PHF2: variants seen among roughly 807,000 people sequenced by gnomAD.
PHF2 encodes lysine-specific demethylase PHF2.
PHF2 carries 27 observed loss-of-function variants against 120.5 expected under a neutral mutation model. The ratio of observed to expected loss-of-function variants is 0.22; its 90% CI spans 0.17 to 0.31. PHF2 has a LOEUF of 0.31. PHF2 is among the 10% of genes least tolerant of loss of function. The pLI is 1.00. For missense variants in PHF2, 1,024 were observed against 1,434.8 expected (o/e 0.71, Z 4.63); for synonymous variants, 568 against 592.5 (o/e 0.96, Z 0.60).
In PHF2 at chr9:93,679,421, TTTATTA is replaced by T. The variant is rs1035653925; in HGVS notation, c.*1754_*1759del. 2 of 318,810 alleles carry T rather than the reference TTTATTA, an allele frequency of 6.3e-6. No individual in the cohort carries two copies. Among genetic ancestry groups the T allele is most frequent in the African/African-American group, 4.5e-5 (2 of 44,794 alleles). The allele number at this position is 318,810 out of a possible 1,614,324, so 19.7% of individuals were successfully genotyped here. A position where few individuals can be genotyped will look rare whatever the true frequency, so the allele number is the denominator to read the frequency against. ...GTTCTCTCTCTCTCTTTTTTTTAAT[TTTATTA>T]TTATTATTTTGGCAACATGTACATT... On this transcript the variant is annotated 3_prime_UTR_variant, in exon 22 of 22. Coordinates refer to ENST00000359246, the MANE Select transcript of PHF2 (RefSeq NM_005392.4).
intron 1 of PHF2, among the ~76,000 whole-genome samples, chr9:93,612,670 A>T (rs73651292): frequency 6.6e-6 from 1 of 152,388 alleles, no homozygotes; most frequent in East Asian, 1.9e-4. Flanking sequence ...CTTTAGGTAC[A>T]TATGACTCAT....
intron 4 of PHF2, among the ~76,000 whole-genome samples, chr9:93,648,555 T>A (rs1039994501): frequency 6.6e-6 from 1 of 152,200 alleles, no homozygotes; most frequent in Non-Finnish European, 1.5e-5. Flanking sequence ...GTCATGAGTC[T>A]TTTATAAAGA....
chr9:93,663,725 C>G (rs1826622964), intron 14 of PHF2, 90 bp downstream of exon 14: 1 of 717,642 alleles, frequency 1.4e-6, no homozygotes, highest in African/African-American at 1.7e-5. Flanking sequence ...CTGCCTTATA[C>G]CACACACACA....
At chr9:93,602,247 C>CTTTTTTTTTTTTTTTTTT (rs67001312) in intron 1 of PHF2, among the ~76,000 whole-genome samples, 1 of 79,670 alleles carries the variant, frequency 1.3e-5, no homozygotes, top group African/African-American at 5.3e-5. Flanking sequence ...CCTAGAGATT[C>CTTTTTTTTTTTTTTTTTT]TTTTTTTTTT....
Position 93,656,088 on chromosome 9 carries a change from T to G in PHF2, c.1040+67T>G. ...AGCGTCCTCCCTCTAGCTGGGTCGGTGCTAGATGCCTTGGGCTGAGTCCTG... is the reference window on the plus strand; with the variant it reads ...AGCGTCCTCCCTCTAGCTGGGTCGGGGCTAGATGCCTTGGGCTGAGTCCTG... On this transcript the variant is annotated intron_variant, in intron 8 of 21. Coordinates refer to ENST00000359246, the MANE Select transcript of PHF2 (RefSeq NM_005392.4). The surrounding 1 kb of genome is among the most constrained non-coding windows in gnomAD (Gnocchi z 4.1). 7.4e-7 allele frequency: 1 copy of G among 1,348,252 alleles called. No individual in the cohort carries two copies. Among genetic ancestry groups the G allele is most frequent in the Non-Finnish European group, 1.0e-6 (1 of 963,524 alleles). 83.5% of individuals were successfully genotyped at this position (1,348,252 alleles called of 1,614,324 possible).
intron 1 of PHF2, among the ~76,000 whole-genome samples, chr9:93,599,595 C>T (rs771585357): frequency 7.4e-4 from 112 of 152,322 alleles, no homozygotes; most frequent in Non-Finnish European, 1.0e-3. Flanking sequence ...GAACAAATGC[C>T]GGTGAAGCAG....
In PHF2 at chr9:93,616,481, A is replaced by G. The variant is rs143673392; in HGVS notation, c.99-13489A>G. ...AAAAGATAAGCCTTGCCAGAGGGAC[A>G]TTTCTAGCTTGAATGTGTGCCTGAC... On this transcript the variant is annotated intron_variant, in intron 1 of 21. Transcript: ENST00000359246. Among the ~76,000 whole-genome samples the G allele has an allele frequency of 2.0e-4, 30 of 152,266 alleles. No homozygotes were observed. In the East Asian group the frequency reaches 5.2e-3, roughly 26 times the overall value.
intron 17 of PHF2, among the ~76,000 whole-genome samples, chr9:93,668,602 GGGGGAGT>G (rs1271081553): frequency 6.6e-6 from 1 of 152,200 alleles, no homozygotes; most frequent in Non-Finnish European, 1.5e-5. Flanking sequence ...GGGACTTGCA[GGGGGAGT>G]GGAGATGGGG....
intron 1 of PHF2, among the ~76,000 whole-genome samples, chr9:93,625,493 T>C (rs1190961339): frequency 7.1e-6 from 1 of 141,726 alleles, no homozygotes; most frequent in Non-Finnish European, 1.5e-5. Context: ...TTTTTTTTTT[T>C]TGGAGACAGA....
intron 12 of PHF2, among the ~76,000 whole-genome samples, chr9:93,662,033 TC>T (rs2118004450): frequency 6.8e-6 from 1 of 146,628 alleles, no homozygotes; most frequent in Admixed American, 6.8e-5. Flanking sequence ...GATGAATGAA[TC>T]AACAAATGGT....
intron 1 of PHF2, among the ~76,000 whole-genome samples, chr9:93,587,090 T>C (rs1863059928): frequency 6.6e-6 from 1 of 152,214 alleles, no homozygotes. Flanking sequence ...TGTAAAGTTC[T>C]CTCAGAGTTC....
intron 9 of PHF2, 116 bp from the exon 10 acceptor site, chr9:93,658,029 G>A: frequency 3.0e-6 from 2 of 675,518 alleles, no homozygotes; most frequent in Non-Finnish European, 5.2e-6. Flanking sequence ...GCCATGGGCG[G>A]AGGGAGACCT....
chr9:93,676,910 T>G lies in PHF2; in HGVS notation c.3149T>G (p.Leu1050Arg). ...TSQPMAPGVF[L>R]TQRRPSASSP... Reference sequence around the variant, plus strand: ...CAGCCCATGGCCCCTGGGGTCTTTCTCACACAGAGGCGGCCCTCCGCATCG... The same window carrying G: ...CAGCCCATGGCCCCTGGGGTCTTTCGCACACAGAGGCGGCCCTCCGCATCG... Residue 1050 changes from leucine (L) to arginine (R), a missense_variant, in exon 21 of 22, where the codon CTC becomes CGC. By Grantham distance (102) the Leu-to-Arg change is moderately radical. This residue lies in a region of PHF2 where 677 missense variants were observed against 857.4 expected (regional missense o/e 0.79). Coordinates refer to ENST00000359246, the MANE Select transcript of PHF2 (RefSeq NM_005392.4). 6.3e-7 allele frequency: 1 copy of G among 1,580,962 alleles called. No homozygotes were observed. The highest frequency in any genetic ancestry group is 8.6e-7 in the Non-Finnish European group (1 of 1,162,278).
intron 3 of PHF2, among the ~76,000 whole-genome samples, chr9:93,645,229 G>T (rs1826235496): frequency 6.6e-6 from 1 of 152,224 alleles, no homozygotes; most frequent in African/African-American, 2.4e-5. Context: ...GCCGAGAAGG[G>T]GTACAAGGGA....
intron 1 of PHF2, among the ~76,000 whole-genome samples, chr9:93,628,140 C>T (rs1413264139): frequency 2.0e-5 from 3 of 152,172 alleles, no homozygotes; most frequent in Non-Finnish European, 4.4e-5. Flanking sequence ...TTAATATGCT[C>T]CTAGACTTTA....
intron 1 of PHF2, among the ~76,000 whole-genome samples, chr9:93,598,360 C>T (rs191729641): frequency 6.6e-6 from 1 of 152,342 alleles, no homozygotes; most frequent in Non-Finnish European, 1.5e-5. Flanking sequence ...TCATCAGGAC[C>T]TTGGTTCTCA....
At position 93,629,464 on chromosome 9, in the gene PHF2, A is replaced by C. The variant is rs1325968684; in HGVS notation, c.99-506A>C. On this transcript the variant is annotated intron_variant, in intron 1 of 21. Transcript: ENST00000359246. ...AGGAAAGAGTGGTCATGATGTCTGG[A>C]GTCCTGGACATGTCCTAAGGCCAGG... 2.0e-5 allele frequency among the ~76,000 whole-genome samples: 3 copies of C among 152,158 alleles called. No individual in the cohort carries two copies. In the East Asian group the frequency reaches 5.8e-4, roughly 30 times the overall value.
intron 17 of PHF2, among the ~76,000 whole-genome samples, chr9:93,671,386 A>T: frequency 7.9e-6 from 1 of 126,050 alleles, no homozygotes; most frequent in African/African-American, 3.1e-5. Context: ...GGATGTAGGT[A>T]CAGGTGTAGA....
chr9:93,596,138 GT>G (rs1564375040), intron 1 of PHF2, among the ~76,000 whole-genome samples: 1 of 152,206 alleles, frequency 6.6e-6, no homozygotes, highest in African/African-American at 2.4e-5. Flanking sequence ...GCCGCATGGA[GT>G]GGGGGCTGTC....
Sources: allele counts gnomAD v4.1 joint callset (sites outside exome capture counted in the v4.1 genomes callset), GRCh38; gene constraint gnomAD v4.1.1; regional missense constraint gnomAD v4.1.1; non-coding constraint Gnocchi (gnomAD v3.1); transcripts MANE v1.5; gene names NCBI Gene and HGNC (gene_info 2026-07-23, HGNC 2026-07-21).